The following KCNIP4 variants were observed in gnomAD, a reference collection of about 807,000 sequenced individuals.
KCNIP4 encodes Kv channel-interacting protein 4.
Under a neutral mutation model 34.0 loss-of-function variants are expected in KCNIP4, and 12 were observed. The observed-to-expected ratio is 0.35, with a 90% CI of 0.23 to 0.57. The LOEUF (loss-of-function observed/expected upper bound fraction) is 0.57, where lower values mean the gene tolerates loss of function less well. KCNIP4 is among the 20% of genes least tolerant of loss of function. The pLI, the probability that KCNIP4 is intolerant of heterozygous loss-of-function variation, is 0.83. For missense variants in KCNIP4, 238 were observed against 311.7 expected (o/e 0.76, Z 1.78); for synonymous variants, 124 against 102.2 (o/e 1.21, Z -1.29).
intron 1 of KCNIP4, among the ~76,000 whole-genome samples, chr4:21,256,353 G>A (rs556959338): frequency 1.3e-5 from 2 of 151,586 alleles, no homozygotes; most frequent in African/African-American, 4.8e-5. Flanking sequence ...CCACATTCCG[G>A]GATGATGGCT....
intron 1 of KCNIP4, among the ~76,000 whole-genome samples, chr4:21,514,726 A>G (rs1433459460): frequency 2.0e-5 from 3 of 152,284 alleles, no homozygotes; most frequent in African/African-American, 7.2e-5. Flanking sequence ...AAAACAAAAA[A>G]AAGTGAAAGA....
At chr4:20,939,532 C>G (rs1013049262) in intron 1 of KCNIP4, among the ~76,000 whole-genome samples, 13 of 152,046 alleles carry the variant, frequency 8.6e-5, no homozygotes, top group African/African-American at 2.9e-4. Context: ...TACCACCATA[C>G]CCAGCTAATT....
chr4:21,620,374 T>G (rs1164064165), intron 1 of KCNIP4, among the ~76,000 whole-genome samples: 1 of 152,026 alleles, frequency 6.6e-6, no homozygotes, highest in Non-Finnish European at 1.5e-5. Context: ...TGATGGCACA[T>G]GTCTGTAGTC....
At chr4:21,361,692 CT>C (rs74773577) in intron 1 of KCNIP4, among the ~76,000 whole-genome samples, 17,052 of 149,788 alleles carry the variant, frequency 0.11, 1,104 homozygotes, top group East Asian at 0.15. Context: ...TTTCATTCTC[CT>C]TTTTTTTTCC....
At chr4:21,291,931 G>GAAAGAAAA (rs1168411909) in intron 1 of KCNIP4, among the ~76,000 whole-genome samples, 1 of 67,296 alleles carries the variant, frequency 1.5e-5, no homozygotes, top group East Asian at 3.6e-4. Flanking sequence ...AAGAAAGAAA[G>GAAAGAAAA]AAAGAAAAAA....
rs149500330 is a variant in KCNIP4 at position 21,911,604 on chromosome 4, TCACACACACACACACACACACACA to T, written c.61+36943_61+36966del. Among the ~76,000 whole-genome samples, 555 of 129,898 alleles carry T rather than the reference TCACACACACACACACACACACACA, an allele frequency of 4.3e-3. 5 individuals carry two copies. The highest frequency in any genetic ancestry group is 8.1e-3 in the Middle Eastern group (2 of 248). The allele number at this position is 129,898 out of a possible 152,430, so 85.2% of individuals were successfully genotyped here. A position where few individuals can be genotyped will look rare whatever the true frequency, so the allele number is the denominator to read the frequency against. Reference sequence around the variant, plus strand: ...TCTGAAAGGCAGAAAGAATTGATATTCACACACACACACACACACACACACACACACACACACACACACACACAC... The same window carrying T: ...TCTGAAAGGCAGAAAGAATTGATATTCACACACACACACACACACACACAC... On this transcript the variant is annotated intron_variant, in intron 1 of 8. Coordinates refer to ENST00000382152, the MANE Select transcript of KCNIP4 (RefSeq NM_025221.6).
intron 1 of KCNIP4, among the ~76,000 whole-genome samples, chr4:21,347,711 T>C (rs761326468): frequency 5.3e-5 from 8 of 152,200 alleles, no homozygotes; most frequent in Non-Finnish European, 1.0e-4. Flanking sequence ...GCACATTATT[T>C]TTATCAGCAG....
chr4:21,150,282 A>G (rs1025920436), intron 1 of KCNIP4, among the ~76,000 whole-genome samples: 1 of 144,852 alleles, frequency 6.9e-6, no homozygotes, highest in East Asian at 1.9e-4. Context: ...GGGAGTGTTA[A>G]TGAGGGTAAT....
chr4:21,377,299 T>A (rs1721046425), intron 1 of KCNIP4, among the ~76,000 whole-genome samples: 1 of 152,194 alleles, frequency 6.6e-6, no homozygotes, highest in Non-Finnish European at 1.5e-5. Context: ...TCCTGCCACA[T>A]ACTGATTCCA....
intron 1 of KCNIP4, among the ~76,000 whole-genome samples, chr4:21,498,245 C>T (rs1326555275): frequency 9.9e-5 from 15 of 152,068 alleles, no homozygotes; most frequent in Admixed American, 9.2e-4. Flanking sequence ...AAAAAATTTT[C>T]GTTACCCACC....
chr4:21,704,722 T>C (rs570231482), intron 1 of KCNIP4, among the ~76,000 whole-genome samples: 16 of 152,236 alleles, frequency 1.1e-4, no homozygotes, highest in Middle Eastern at 3.4e-3. Flanking sequence ...GACCAAATGT[T>C]GGCAAGGACA....
intron 1 of KCNIP4, among the ~76,000 whole-genome samples, chr4:21,901,593 C>A (rs1371637612): frequency 1.3e-5 from 2 of 152,016 alleles, no homozygotes; most frequent in South Asian, 2.1e-4. Context: ...ATTTTTTATT[C>A]TCTTCTACAT....
At chr4:21,522,180 C>A (rs1735586561) in intron 1 of KCNIP4, among the ~76,000 whole-genome samples, 1 of 152,086 alleles carries the variant, frequency 6.6e-6, no homozygotes, top group Non-Finnish European at 1.5e-5. Flanking sequence ...TACACATAAT[C>A]ATCCCCCATG....
chr4:21,076,022 G>C (rs151204092), intron 1 of KCNIP4, among the ~76,000 whole-genome samples: 1 of 152,056 alleles, frequency 6.6e-6, no homozygotes, highest in South Asian at 2.1e-4. Context: ...TAGTCTGACG[G>C]GTTTCCCTTT....
intron 1 of KCNIP4, among the ~76,000 whole-genome samples, chr4:21,307,124 C>T (rs931692526): frequency 7.9e-5 from 12 of 152,180 alleles, no homozygotes; most frequent in Admixed American, 2.0e-4. Context: ...GCCTGGCAAC[C>T]GTGCCGGGCC....
intron 1 of KCNIP4, among the ~76,000 whole-genome samples, chr4:21,640,788 C>G (rs551356392): frequency 6.6e-5 from 10 of 152,294 alleles, no homozygotes; most frequent in African/African-American, 1.9e-4. Flanking sequence ...TGCAACAGGT[C>G]TAGGCTGCCA....
At chr4:21,367,864 C>T (rs1357427484) in intron 1 of KCNIP4, among the ~76,000 whole-genome samples, 2 of 147,550 alleles carry the variant, frequency 1.4e-5, no homozygotes, top group South Asian at 2.1e-4. Flanking sequence ...GACATCTTTC[C>T]ATGTCTGCTG....
chr4:21,648,175 C>T lies in KCNIP4; in HGVS notation c.61+300396G>A, dbSNP rs560866581. Among the ~76,000 whole-genome samples, 8 of 151,928 alleles carry T rather than the reference C, an allele frequency of 5.3e-5. No individual in the cohort carries two copies. The East Asian group carries it at 1.6e-3, about 30-fold the overall frequency. ...GGTGTGAGCCACCGCGCCTGGCCTA[C>T]AATGATACTTTTAAAAAACAGATGA... On this transcript the variant is annotated intron_variant, in intron 1 of 8. Transcript: ENST00000382152.
intron 1 of KCNIP4, among the ~76,000 whole-genome samples, chr4:21,766,614 T>G (rs1258576171): frequency 2.6e-5 from 4 of 152,186 alleles, no homozygotes; most frequent in Non-Finnish European, 5.9e-5. Context: ...AAAGTTCTTA[T>G]GAAAACAATT....
Sources: gnomAD v4.1 joint callset for allele counts (sites outside exome capture counted in the v4.1 genomes callset) on GRCh38, gnomAD v4.1.1 for gene constraint, MANE v1.5 for transcripts, NCBI Gene and HGNC (gene_info 2026-07-23, HGNC 2026-07-21) for gene names.